ZC3H3: variants seen among roughly 807,000 people sequenced by gnomAD.
The protein encoded by ZC3H3 is zinc finger CCCH domain-containing protein 3.
A neutral mutation model predicts 77.3 loss-of-function variants in ZC3H3; 36 were observed. The observed-to-expected ratio is 0.47, with a 90% CI of 0.36 to 0.61. The LOEUF (loss-of-function observed/expected upper bound fraction) is 0.61, where lower values mean the gene tolerates loss of function less well. ZC3H3 is among the 20% of genes least tolerant of loss of function. The pLI, the probability that ZC3H3 is intolerant of heterozygous loss-of-function variation, is 0.00. For synonymous variants in ZC3H3, 626 were observed against 555.2 expected (o/e 1.13, Z -1.79); for missense variants, 1,331 against 1,312.2 (o/e 1.01, Z -0.22).
chr8:143,463,031 T>G lies in ZC3H3; in HGVS notation c.2307+2686A>C, dbSNP rs117944378. Among the ~76,000 whole-genome samples, 130 of 148,830 alleles carry G rather than the reference T, an allele frequency of 8.7e-4. 3 individuals carry two copies. The East Asian group carries it at 0.017, about 20-fold the overall frequency. On this transcript the variant is annotated intron_variant, in intron 9 of 11. Coordinates refer to ENST00000262577, the MANE Select transcript of ZC3H3 (RefSeq NM_015117.3). ...AGAGTCTCACTCTTGTCACGTAGGC[T>G]GGAGTGCAGTGGCGCAATCTCAGCT... is the stretch of plus-strand genomic sequence containing the variant.
chr8:143,484,903 GTGA>G (rs1821010171), intron 4 of ZC3H3: 4 of 455,348 alleles, frequency 8.8e-6, no homozygotes, highest in Admixed American at 2.4e-5. Context: ...GAAAGGCGTG[GTGA>G]CCTCAGCAAA....
intron 9 of ZC3H3, among the ~76,000 whole-genome samples, chr8:143,455,186 G>A (rs781193361): frequency 1.3e-4 from 20 of 151,816 alleles, no homozygotes; most frequent in Non-Finnish European, 2.6e-4. Context: ...TGGTGGCGGG[G>A]GCCTGTAATC....
intron 9 of ZC3H3, among the ~76,000 whole-genome samples, chr8:143,446,295 TA>T (rs1819862039): frequency 6.6e-6 from 1 of 152,170 alleles, no homozygotes; most frequent in South Asian, 2.1e-4. Flanking sequence ...GTGCAAAATG[TA>T]AAGAAAACTA....
intron 3 of ZC3H3, among the ~76,000 whole-genome samples, chr8:143,518,759 C>T (rs984686556): frequency 6.6e-6 from 1 of 152,246 alleles, no homozygotes; most frequent in African/African-American, 2.4e-5. Context: ...GGCCCGACCG[C>T]TTGTGCTCCC....
intron 3 of ZC3H3, among the ~76,000 whole-genome samples, chr8:143,531,548 A>C (rs1822607559): frequency 6.6e-6 from 1 of 152,236 alleles, no homozygotes; most frequent in South Asian, 2.1e-4. Context: ...TTTGAATTCA[A>C]TTAAAGCGAT....
intron 9 of ZC3H3, among the ~76,000 whole-genome samples, chr8:143,463,430 C>T (rs940210602): frequency 2.2e-4 from 33 of 152,254 alleles, no homozygotes; most frequent in Middle Eastern, 6.8e-3. Context: ...CCTGGCAGGG[C>T]AGCATATTAA....
chr8:143,521,022 G>A lies in ZC3H3; in HGVS notation c.1562-13123C>T, dbSNP rs561320456. On this transcript the variant is annotated intron_variant, in intron 3 of 11. Transcript: ENST00000262577. ...AGCCACACAGGTAGACGGCCCGCCC[G>A]GCCCACAGGGCTCTCAGCTGCAAAC... Among the ~76,000 whole-genome samples the A allele has an allele frequency of 2.6e-5, 4 of 152,306 alleles. No individual in the cohort carries two copies. In the South Asian group the frequency reaches 6.2e-4, roughly 24 times the overall value.
intron 4 of ZC3H3, among the ~76,000 whole-genome samples, chr8:143,476,259 T>C (rs755557247): frequency 2.6e-5 from 4 of 152,150 alleles, no homozygotes; most frequent in Admixed American, 6.5e-5. Flanking sequence ...TGAGAGGGCA[T>C]GGGGACAGCC....
intron 2 of ZC3H3, among the ~76,000 whole-genome samples, chr8:143,537,197 C>T (rs114879063): frequency 0.018 from 2,692 of 152,312 alleles, 79 homozygotes; most frequent in African/African-American, 0.061. Flanking sequence ...CTCTGAGTCT[C>T]ATCACAAGTC....
chr8:143,464,653 G>T (rs1820359504), intron 9 of ZC3H3, among the ~76,000 whole-genome samples: 8 of 152,230 alleles, frequency 5.3e-5, no homozygotes, highest in Admixed American at 5.2e-4. Context: ...GGTGGGCTGA[G>T]AAAGGGTTCC....
At chr8:143,508,238 AG>A (rs772644565) in intron 3 of ZC3H3, among the ~76,000 whole-genome samples, 4 of 152,206 alleles carry the variant, frequency 2.6e-5, no homozygotes, top group Non-Finnish European at 5.9e-5. Flanking sequence ...TCCCCTAGAC[AG>A]TATCCGCAAC....
At chr8:143,523,804 G>A (rs888817738) in intron 3 of ZC3H3, among the ~76,000 whole-genome samples, 1 of 152,224 alleles carries the variant, frequency 6.6e-6, no homozygotes, top group African/African-American at 2.4e-5. Flanking sequence ...TAGAGCCAGA[G>A]CACACTGAGA....
At chr8:143,532,924 C>T (rs555736536) in intron 3 of ZC3H3, among the ~76,000 whole-genome samples, 29 of 152,326 alleles carry the variant, frequency 1.9e-4, no homozygotes, top group African/African-American at 5.5e-4. Flanking sequence ...CAGGCCAGGA[C>T]GCAGGCTCGG....
chr8:143,492,389 G>A (rs556607049), intron 4 of ZC3H3, among the ~76,000 whole-genome samples: 8 of 152,132 alleles, frequency 5.3e-5, no homozygotes, highest in Admixed American at 1.3e-4. Flanking sequence ...GCCCTGGCCC[G>A]CCTTATATCC....
intron 9 of ZC3H3, among the ~76,000 whole-genome samples, chr8:143,461,866 A>C (rs1193718986): frequency 6.6e-6 from 1 of 152,024 alleles, no homozygotes; most frequent in Non-Finnish European, 1.5e-5. Context: ...AACAACTGAA[A>C]GCTGCGCTGT....
rs1821274623 is a variant in ZC3H3, at chr8:143,493,954, G to A, written c.1715+13792C>T. Among the ~76,000 whole-genome samples, 1 of 152,190 alleles carries A rather than the reference G, an allele frequency of 6.6e-6. No homozygotes were observed. The highest frequency in any genetic ancestry group is 1.5e-5 in the Non-Finnish European group (1 of 68,026). The stretch of plus-strand genomic sequence containing the variant: ...TCATAAAATAAAAAATTATAAAAAT[G>A]AGCACAGGCACAGGGAGGCCATCAC... On this transcript the variant is annotated intron_variant, in intron 4 of 11. Transcript: ENST00000262577. The surrounding 1 kb of genome is among the most constrained non-coding windows in gnomAD (Gnocchi z 4.8).
chr8:143,538,710 G>C lies in ZC3H3; in HGVS notation c.657C>G (p.Val219=), dbSNP rs180708743. The change falls in exon 2 of 12, where the codon GTC becomes GTG. Residue 219 remains valine, a synonymous_variant. Transcript: ENST00000262577. Reference sequence around the variant, plus strand: ...CCTTGACGGCAATCACACTCTCACTGACTGTCCGGCGGGGCTCCCGGGGGC... The same window carrying C: ...CCTTGACGGCAATCACACTCTCACTCACTGTCCGGCGGGGCTCCCGGGGGC... ...GDSPREPRRT[V]SESVIAVKAS... 1 of 1,608,888 alleles carries C rather than the reference G, an allele frequency of 6.2e-7. No individual in the cohort carries two copies. Among genetic ancestry groups the C allele is most frequent in the Non-Finnish European group, 8.5e-7 (1 of 1,179,904 alleles).
intron 4 of ZC3H3, among the ~76,000 whole-genome samples, chr8:143,496,652 T>C (rs1821360187): frequency 6.6e-6 from 1 of 151,836 alleles, no homozygotes; most frequent in Non-Finnish European, 1.5e-5. Flanking sequence ...TATCCCAACA[T>C]CTAGAATGAG....
chr8:143,504,438 T>C (rs924681532), intron 4 of ZC3H3, among the ~76,000 whole-genome samples: 1 of 152,162 alleles, frequency 6.6e-6, no homozygotes, highest in Non-Finnish European at 1.5e-5. Flanking sequence ...TGTTACTGTT[T>C]CTTGTCCCCA....
Sources: allele counts gnomAD v4.1 joint callset (sites outside exome capture counted in the v4.1 genomes callset), GRCh38; gene constraint gnomAD v4.1.1; non-coding constraint Gnocchi (gnomAD v3.1); transcripts MANE v1.5; gene names NCBI Gene and HGNC (gene_info 2026-07-23, HGNC 2026-07-21).